LAMC1: variants seen among roughly 807,000 people sequenced by gnomAD.
LAMC1 encodes laminin subunit gamma-1.
LAMC1 carries 38 observed loss-of-function variants against 173.6 expected under a neutral mutation model. The observed-to-expected ratio is 0.22, with a 90% CI of 0.17 to 0.29. The LOEUF (loss-of-function observed/expected upper bound fraction) is 0.29, where lower values mean the gene tolerates loss of function less well. Among genes scored for constraint, LAMC1 ranks in the 10% least tolerant of loss-of-function variants. LAMC1 has a pLI of 1.00. For synonymous variants in LAMC1, 746 were observed against 749.1 expected, an observed-to-expected ratio of 1.00 and a Z score of 0.07; for missense variants, 1,824 against 2,051.8, an observed-to-expected ratio of 0.89 and a Z score of 2.14.
Position 183,145,588 on chromosome 1 carries a change from C to G in LAMC1, c.*2798C>G, listed in dbSNP as rs918547519. The G allele has an allele frequency of 6.6e-6, 1 of 152,174 alleles. No individual in the cohort carries two copies. Among genetic ancestry groups the G allele is most frequent in the Non-Finnish European group, 1.5e-5 (1 of 67,958 alleles). 9.4% of individuals were successfully genotyped at this position (152,174 alleles called of 1,614,324 possible). A position where few individuals can be genotyped will look rare whatever the true frequency, so the allele number is the denominator to read the frequency against. On this transcript the variant is annotated 3_prime_UTR_variant, in exon 28 of 28. Coordinates refer to ENST00000258341, the MANE Select transcript of LAMC1 (RefSeq NM_002293.4). ...TAATAAAATCTGAATATTTGTAACC[C>G]TTTATATTTGGTGTGGCCTGAGTGT...
Position 183,133,511 on chromosome 1 carries a change from C to A in LAMC1, c.3810C>A (p.Ser1270Arg). 2 of 1,613,736 alleles carry A rather than the reference C, an allele frequency of 1.2e-6. No homozygotes were observed. The highest frequency in any genetic ancestry group is 1.1e-5 in the South Asian group (1 of 91,020). ...AGDKAVEIYASVAQLSPLDSE... is the reference protein window; with the variant it reads ...AGDKAVEIYARVAQLSPLDSE... ...ACAAAGCTGTGGAGATCTATGCCAG[C>A]GTGGCTCAGCTGAGCCCTTTGGACT... Residue 1270 changes from serine to arginine, a missense_variant, in exon 22 of 28, where the codon AGC becomes AGA. Coordinates refer to ENST00000258341, the MANE Select transcript of LAMC1 (RefSeq NM_002293.4).
intron 2 of LAMC1, among the ~76,000 whole-genome samples, chr1:183,104,886 A>G (rs558951932): frequency 6.6e-6 from 1 of 152,130 alleles, no homozygotes; most frequent in South Asian, 2.1e-4. Flanking sequence ...TTCAAAATAA[A>G]TGGCCGAGAG....
chr1:183,117,198 AAG>A, intron 8 of LAMC1, 120 bp from the exon 9 acceptor site: 1 of 1,047,160 alleles, frequency 9.5e-7, no homozygotes, highest in South Asian at 1.6e-5. Context: ...TTTATTCAAA[AAG>A]GTTTATTGAT....
chr1:183,118,075 C>A lies in LAMC1; in HGVS notation c.1919C>A (p.Thr640Asn). Residue 640 changes from threonine (T) to asparagine (N), a missense_variant, in exon 11 of 28, where the codon ACC (threonine) becomes AAC (asparagine). Coordinates refer to ENST00000258341, the MANE Select transcript of LAMC1 (RefSeq NM_002293.4). ...ATDYPWRPAL[T>N]PFEFQKLLNN... ...GATTACCCTTGGAGGCCTGCTCTTA[C>A]CCCTTTTGAATTTCAGAAGCTCCTA... 6.2e-7 allele frequency: 1 copy of A among 1,613,742 alleles called. No individual in the cohort carries two copies. The highest frequency in any genetic ancestry group is 1.1e-5 in the South Asian group (1 of 91,070).
intron 1 of LAMC1, among the ~76,000 whole-genome samples, chr1:183,044,581 T>C (rs1654217723): frequency 6.6e-6 from 1 of 152,046 alleles, no homozygotes; most frequent in Non-Finnish European, 1.5e-5. Flanking sequence ...ATTAAAAAAA[T>C]ATATCCAGGC....
chr1:183,091,112 T>G (rs1571433863), intron 1 of LAMC1, among the ~76,000 whole-genome samples: 1 of 152,150 alleles, frequency 6.6e-6, no homozygotes, highest in South Asian at 2.1e-4. Context: ...TGGACTTCCT[T>G]CTGCTTTTTT....
intron 1 of LAMC1, among the ~76,000 whole-genome samples, chr1:183,099,454 G>T (rs1351973902): frequency 6.6e-6 from 1 of 152,136 alleles, no homozygotes; most frequent in East Asian, 1.9e-4. Flanking sequence ...TGTGACCTCT[G>T]TGGCTTGAAG....
Position 183,028,714 on chromosome 1 carries a change from T to A in LAMC1, c.418+4580T>A, listed in dbSNP as rs570138004. ...CCCTGGTTCAGAGATACCAGACTCC[T>A]TTGGTTTTCCTTGTTTTTTCTTCTG... On this transcript the variant is annotated intron_variant, in intron 1 of 27. Coordinates refer to ENST00000258341, the MANE Select transcript of LAMC1 (RefSeq NM_002293.4). 2.6e-5 allele frequency among the ~76,000 whole-genome samples: 4 copies of A among 152,356 alleles called. No homozygotes were observed. In the East Asian group the frequency reaches 7.7e-4, roughly 29 times the overall value.
rs749477657 is a variant in LAMC1, at chr1:183,136,397, C to T, written c.4126C>T (p.Arg1376Cys). Residue 1376 changes from arginine to cysteine, a missense_variant, in exon 25 of 28, where the codon CGT becomes TGT. By Grantham distance (180) the Arg-to-Cys change is radical (BLOSUM62 -3). Transcript: ENST00000258341. ...TGAACTTGTTTCAGATTTTGATAGG[C>T]GTGTGAACGATAACAAGACGGCCGC... ...ILNNLKDFDR[R>C]VNDNKTAAEE... 13 of 1,613,812 alleles carry T rather than the reference C, an allele frequency of 8.1e-6. No homozygotes were observed. The highest frequency in any genetic ancestry group is 1.1e-5 in the Non-Finnish European group (13 of 1,179,890).
chr1:183,122,766 G>A (rs1297743780), intron 13 of LAMC1, among the ~76,000 whole-genome samples: 1 of 152,118 alleles, frequency 6.6e-6, no homozygotes, highest in Non-Finnish European at 1.5e-5. Flanking sequence ...GGAGGGTGAG[G>A]ACAGAGTATT....
rs142134614 is a variant in LAMC1 at position 183,109,193 on chromosome 1, G to A, written c.854+787G>A. 1.9e-4 allele frequency among the ~76,000 whole-genome samples: 29 copies of A among 152,244 alleles called. No individual in the cohort carries two copies. In the Middle Eastern group the frequency reaches 0.014, roughly 71 times the overall value. On this transcript the variant is annotated intron_variant, in intron 3 of 27. Coordinates refer to ENST00000258341, the MANE Select transcript of LAMC1 (RefSeq NM_002293.4). ...ACTTATTTTTGTTTACATTGTTTCC[G>A]GTATGGGATTGGTGCTTAGTGAAAG...
Position 183,103,360 on chromosome 1 carries a change from A to G in LAMC1, c.451A>G (p.Lys151Glu), listed in dbSNP as rs1255159372. Residue 151 changes from lysine to glutamate, a missense_variant, in exon 2 of 28, where the codon AAG becomes GAG. Coordinates refer to ENST00000258341, the MANE Select transcript of LAMC1 (RefSeq NM_002293.4). ...TTTTGACATCACCTATGTGCGTCTC[A>G]AGTTCCACACCAGCCGCCCGGAGAG... ...KAFDITYVRL[K>E]FHTSRPESFA... is the part of the protein sequence containing the mutation. 1 of 1,613,964 alleles carries G rather than the reference A, an allele frequency of 6.2e-7. No individual in the cohort carries two copies. Among genetic ancestry groups the G allele is most frequent in the Non-Finnish European group, 8.5e-7 (1 of 1,180,014 alleles).
chr1:183,135,307 G>A, intron 24 of LAMC1, 151 bp downstream of exon 24: 3 of 621,080 alleles, frequency 4.8e-6, no homozygotes, highest in Non-Finnish European at 8.7e-6. Context: ...CAGAGCTCCT[G>A]TCATTTTATC....
At chr1:183,044,896 G>A (rs1272974617) in intron 1 of LAMC1, among the ~76,000 whole-genome samples, 1 of 150,366 alleles carries the variant, frequency 6.7e-6, no homozygotes. Flanking sequence ...TATATTAATT[G>A]TAAAGTGTCA....
chr1:183,076,604 C>A (rs961581054), intron 1 of LAMC1, among the ~76,000 whole-genome samples: 2 of 152,198 alleles, frequency 1.3e-5, no homozygotes, highest in African/African-American at 4.8e-5. Flanking sequence ...TCTTCCCCCT[C>A]ACACCAGCAT....
At chr1:183,117,275 A>G (rs1656348079) in intron 8 of LAMC1, 45 bp from the exon 9 acceptor site, 1 of 1,570,368 alleles carries the variant, frequency 6.4e-7, no homozygotes, top group Non-Finnish European at 8.7e-7. Flanking sequence ...TGAATTCAGG[A>G]TGTTTACAGT....
chr1:183,117,399 C>T lies in LAMC1; in HGVS notation c.1644C>T (p.Ala548=), dbSNP rs141578336. ...LEWSSERQDI[A]VISDSYFPRY... is the part of the protein sequence containing the mutation. ...GGTCCTCTGAGAGGCAAGATATCGC[C>T]GTGATCTCAGACAGCTACTTTCCTC... is the stretch of plus-strand genomic sequence containing the variant. Residue 548 remains alanine (A), a synonymous_variant, in exon 9 of 28, where the codon GCC becomes GCT. Transcript: ENST00000258341. 2.9e-5 allele frequency: 46 copies of T among 1,613,846 alleles called. No individual in the cohort carries two copies. The African/African-American group carries it at 3.2e-4, about 11-fold the overall frequency.
intron 1 of LAMC1, among the ~76,000 whole-genome samples, chr1:183,038,957 G>T (rs1439287899): frequency 1.3e-5 from 2 of 151,994 alleles, no homozygotes; most frequent in Admixed American, 1.3e-4. Context: ...AAGTTTTAGG[G>T]ATAGGTCCTG....
intron 4 of LAMC1, among the ~76,000 whole-genome samples, chr1:183,113,198 C>T (rs1296160798): frequency 6.6e-6 from 1 of 152,068 alleles, no homozygotes; most frequent in Admixed American, 6.5e-5. Flanking sequence ...CCTGTAGTCC[C>T]AGCTACTTGG....
Sources: allele counts gnomAD v4.1 joint callset (sites outside exome capture counted in the v4.1 genomes callset), GRCh38; gene constraint gnomAD v4.1.1; transcripts MANE v1.5; gene names NCBI Gene and HGNC (gene_info 2026-07-23, HGNC 2026-07-21).